Variants in CACNB2 observed in about 807,000 individuals in gnomAD.
The protein encoded by CACNB2 is calcium voltage-gated channel auxiliary subunit beta 2.
Under a neutral mutation model 73.3 loss-of-function variants are expected in CACNB2, and 42 were observed. The observed-to-expected ratio is 0.57, with a 90% CI of 0.45 to 0.74. CACNB2 has a LOEUF of 0.74. Ranked by LOEUF, CACNB2 falls within the 30% of genes least tolerant of loss-of-function variation. The pLI is 0.00. For missense variants in CACNB2, 940 were observed against 853.0 expected, an observed-to-expected ratio of 1.10 and a Z score of -1.27; for synonymous variants, 348 against 310.3, an observed-to-expected ratio of 1.12 and a Z score of -1.28.
chr10:18,394,333 A>G (rs920195271), intron 2 of CACNB2, among the ~76,000 whole-genome samples: 1 of 152,210 alleles, frequency 6.6e-6, no homozygotes, highest in African/African-American at 2.4e-5. Flanking sequence ...ATAGCTAAGC[A>G]TTACAAAACT....
At chr10:18,343,634 A>C (rs991262081) in intron 2 of CACNB2, among the ~76,000 whole-genome samples, 1 of 152,206 alleles carries the variant, frequency 6.6e-6, no homozygotes, top group Admixed American at 6.5e-5. Context: ...TGCAATAGCT[A>C]GGAATGAAAG....
chr10:18,526,585 C>G (rs1363423762), intron 9 of CACNB2, among the ~76,000 whole-genome samples: 2 of 152,130 alleles, frequency 1.3e-5, no homozygotes, highest in Non-Finnish European at 2.9e-5. Context: ...CAGCTTTTTC[C>G]TACTGCTGAC....
intron 3 of CACNB2, among the ~76,000 whole-genome samples, chr10:18,406,061 C>G (rs1209814420): frequency 6.6e-6 from 1 of 152,114 alleles, no homozygotes; most frequent in Admixed American, 6.5e-5. Context: ...CATCGAATAT[C>G]TACTATATTA....
chr10:18,494,493 A>T (rs994156717), intron 3 of CACNB2, among the ~76,000 whole-genome samples: 1 of 151,948 alleles, frequency 6.6e-6, no homozygotes, highest in African/African-American at 2.4e-5. Context: ...TTAGCCGGGC[A>T]TGGTGGCGGG....
chr10:18,198,128 T>G (rs1190532888), intron 2 of CACNB2, among the ~76,000 whole-genome samples: 1 of 148,068 alleles, frequency 6.8e-6, no homozygotes, highest in East Asian at 1.9e-4. Context: ...ATATATGTAA[T>G]ATATTAATAT....
chr10:18,460,393 C>A (rs1387878866), intron 3 of CACNB2, among the ~76,000 whole-genome samples: 2 of 152,112 alleles, frequency 1.3e-5, no homozygotes, highest in Admixed American at 1.3e-4. Flanking sequence ...TCATCACTTA[C>A]AACATTTATA....
intron 2 of CACNB2, among the ~76,000 whole-genome samples, chr10:18,210,865 C>A (rs1277769): frequency 0.86 from 131,049 of 152,142 alleles, 56,640 homozygotes; most frequent in Non-Finnish European, 0.9. Flanking sequence ...AGTTGATAAG[C>A]GTATGGCTTT....
At chr10:18,401,843 C>T (rs1485507917) in intron 2 of CACNB2, 81 bp from the exon 3 acceptor site, 2 of 1,381,232 alleles carry the variant, frequency 1.4e-6, no homozygotes, top group African/African-American at 1.4e-5. Flanking sequence ...ATCCGGGAAG[C>T]TAACTGCTGT....
At chr10:18,512,833 A>G (rs1259676146) in intron 6 of CACNB2, among the ~76,000 whole-genome samples, 2 of 152,150 alleles carry the variant, frequency 1.3e-5, no homozygotes, top group African/African-American at 2.4e-5. Flanking sequence ...TTGGTTGGCA[A>G]GAGGTCATGT....
chr10:18,307,664 G>A lies in CACNB2; in HGVS notation c.214-94260G>A, dbSNP rs568273445. Among the ~76,000 whole-genome samples the A allele has an allele frequency of 2.0e-5, 3 of 152,232 alleles. No individual in the cohort carries two copies. The South Asian group carries it at 6.2e-4, about 32-fold the overall frequency. On this transcript the variant is annotated intron_variant, in intron 2 of 13. Transcript: ENST00000324631. ...TATTTGTTGCATGAATTAAAAGACA[G>A]AACCAAGGATGGGAAAGTGAACATA...
intron 6 of CACNB2, among the ~76,000 whole-genome samples, chr10:18,510,292 A>G (rs1043559397): frequency 3.3e-5 from 5 of 152,094 alleles, no homozygotes; most frequent in African/African-American, 9.7e-5. Context: ...CCAAAGATGT[A>G]TACGTTTCCA....
chr10:18,367,103 A>G (rs2042385360), intron 2 of CACNB2, among the ~76,000 whole-genome samples: 2 of 152,182 alleles, frequency 1.3e-5, no homozygotes, highest in African/African-American at 2.4e-5. Context: ...ACATATACCC[A>G]TTGACATCTG....
chr10:18,301,214 C>G (rs2039497791), intron 2 of CACNB2, among the ~76,000 whole-genome samples: 2 of 152,162 alleles, frequency 1.3e-5, no homozygotes, highest in Admixed American at 1.3e-4. Flanking sequence ...TTATTAACTT[C>G]CCAAGTCAAA....
chr10:18,244,726 G>A (rs371721028), intron 2 of CACNB2, among the ~76,000 whole-genome samples: 3 of 152,108 alleles, frequency 2.0e-5, no homozygotes, highest in South Asian at 2.1e-4. Flanking sequence ...CTGAGTAATC[G>A]CCCCCCAAAG....
intron 2 of CACNB2, among the ~76,000 whole-genome samples, chr10:18,390,379 A>C (rs932145343): frequency 6.6e-6 from 1 of 152,068 alleles, no homozygotes; most frequent in African/African-American, 2.4e-5. Context: ...TGCCTGGCTA[A>C]TTTTTGTATT....
intron 13 of CACNB2, among the ~76,000 whole-genome samples, chr10:18,538,982 T>TG (rs527723625): frequency 1.4e-4 from 9 of 62,350 alleles, no homozygotes; most frequent in Admixed American, 5.6e-4. Context: ...CTGCTGCTGC[T>TG]TTTTTTTTTT....
intron 5 of CACNB2, among the ~76,000 whole-genome samples, chr10:18,505,597 A>G (rs1171941229): frequency 6.6e-6 from 1 of 152,126 alleles, no homozygotes; most frequent in African/African-American, 2.4e-5. Context: ...TTTCAACTAG[A>G]CCCTGGCTCG....
In CACNB2 at chr10:18,216,216, G is replaced by C. The variant is rs143785496; in HGVS notation, c.213+65241G>C. ...GGAGGCCAAGGCAGGAGAATTGCTT[G>C]AACCTGGGAGGTGGTGGTTGCAGTG... On this transcript the variant is annotated intron_variant, in intron 2 of 13. Transcript: ENST00000324631. Among the ~76,000 whole-genome samples, 753 of 152,172 alleles carry C rather than the reference G, an allele frequency of 4.9e-3. 4 individuals carry two copies. Among genetic ancestry groups the C allele is most frequent in the African/African-American group, 0.017 (722 of 41,528 alleles).
intron 3 of CACNB2, among the ~76,000 whole-genome samples, chr10:18,495,593 A>G (rs74741777): frequency 5.3e-5 from 6 of 113,820 alleles, no homozygotes; most frequent in African/African-American, 8.0e-5. Context: ...GTGTGTGTGT[A>G]TAAGAGATGA....
Sources: gnomAD v4.1 joint callset for allele counts (sites outside exome capture counted in the v4.1 genomes callset) on GRCh38, gnomAD v4.1.1 for gene constraint, MANE v1.5 for transcripts, NCBI Gene and HGNC (gene_info 2026-07-23, HGNC 2026-07-21) for gene names.